The following ZNRF2 variants were observed in gnomAD, a reference collection of about 807,000 sequenced individuals.
The protein encoded by ZNRF2 is E3 ubiquitin-protein ligase ZNRF2.
A neutral mutation model predicts 20.4 loss-of-function variants in ZNRF2; 16 were observed. The observed-to-expected ratio is 0.79, with a 90% CI of 0.53 to 1.19. The LOEUF (loss-of-function observed/expected upper bound fraction) is 1.19, where lower values mean the gene tolerates loss of function less well. Ranked by LOEUF, ZNRF2 falls within the 50% of genes most tolerant of loss-of-function variation. ZNRF2 has a pLI of 0.00. For missense variants in ZNRF2, 363 were observed against 332.4 expected (o/e 1.09, Z -0.72); for synonymous variants, 178 against 144.9 (o/e 1.23, Z -1.64).
chr7:30,356,987 AT>A (rs1359038934), intron 3 of ZNRF2, among the ~76,000 whole-genome samples: 2 of 152,080 alleles, frequency 1.3e-5, no homozygotes, highest in African/African-American at 4.8e-5. Context: ...ATAACATTCT[AT>A]TTTTATGTAT....
intron 1 of ZNRF2, among the ~76,000 whole-genome samples, chr7:30,295,017 GAGAGA>G (rs1798988003): frequency 3.3e-5 from 2 of 61,222 alleles, no homozygotes; most frequent in African/African-American, 1.4e-4. Context: ...GAGGGAAGGA[GAGAGA>G]GAGAGAGAGA....
At chr7:30,346,608 AT>A (rs1346234219) in intron 2 of ZNRF2, among the ~76,000 whole-genome samples, 3 of 149,940 alleles carry the variant, frequency 2.0e-5, no homozygotes, top group African/African-American at 7.6e-5. Context: ...CATAATTTCT[AT>A]TTTTGAAAGC....
At chr7:30,335,663 T>TA (rs1170977972) in intron 2 of ZNRF2, among the ~76,000 whole-genome samples, 2 of 152,082 alleles carry the variant, frequency 1.3e-5, no homozygotes, top group African/African-American at 4.8e-5. Flanking sequence ...CGTTTAGAGA[T>TA]AACTAGGCAG....
chr7:30,356,704 T>A (rs1583597443), intron 3 of ZNRF2, among the ~76,000 whole-genome samples: 3 of 120,574 alleles, frequency 2.5e-5, no homozygotes, highest in Admixed American at 2.4e-4. Context: ...ATTGTATTTT[T>A]TTTTTTTTTT....
intron 2 of ZNRF2, among the ~76,000 whole-genome samples, chr7:30,324,854 G>A (rs571887676): frequency 2.2e-4 from 34 of 152,284 alleles, no homozygotes; most frequent in Admixed American, 1.4e-3. Flanking sequence ...ACATATATGA[G>A]GAGTAGGGAG....
rs540819339 is a variant in ZNRF2, at chr7:30,290,891, G to C, written c.469+5065G>C. ...CCCCTTTTAGGGGCTGGACATTATA[G>C]ATACTGAGGGTACAAATATGGAGCT... is the stretch of plus-strand genomic sequence containing the variant. On this transcript the variant is annotated intron_variant, in intron 1 of 4. Coordinates refer to ENST00000323037, the MANE Select transcript of ZNRF2 (RefSeq NM_147128.4). Among the ~76,000 whole-genome samples, 11 of 152,318 alleles carry C rather than the reference G, an allele frequency of 7.2e-5. No homozygotes were observed. In the East Asian group the frequency reaches 2.1e-3, roughly 29 times the overall value.
chr7:30,285,481 C>T lies in ZNRF2; in HGVS notation c.124C>T (p.Arg42Trp), dbSNP rs1050106525. 41 of 1,091,984 alleles carry T rather than the reference C, an allele frequency of 3.8e-5. No homozygotes were observed. The highest frequency in any genetic ancestry group is 1.3e-4 in the South Asian group (5 of 37,770). The allele number at this position is 1,091,984 out of a possible 1,614,324, so 67.6% of individuals were successfully genotyped here. A position where few individuals can be genotyped will look rare whatever the true frequency, so the allele number is the denominator to read the frequency against. ...NGTAGGGGGARAAAAGRFPAQ... is the reference protein window; with the variant it reads ...NGTAGGGGGAWAAAAGRFPAQ... Reference sequence around the variant, plus strand: ...GACCGCGGGCGGCGGCGGGGGCGCTCGGGCCGCCGCCGCGGGGAGGTTCCC... The same window carrying T: ...GACCGCGGGCGGCGGCGGGGGCGCTTGGGCCGCCGCCGCGGGGAGGTTCCC... Residue 42 changes from arginine to tryptophan, a missense_variant, in exon 1 of 5, where the codon CGG becomes TGG. Physicochemically the swap from Arg to Trp is moderately radical, Grantham distance 101. Coordinates refer to ENST00000323037, the MANE Select transcript of ZNRF2 (RefSeq NM_147128.4).
In ZNRF2 at chr7:30,363,606, C is replaced by G. The variant is rs377207851; in HGVS notation, c.*22+1150C>G. On this transcript the variant is annotated intron_variant, in intron 4 of 4. Transcript: ENST00000323037. ...TATATCTTTAGCATGTAATACAGTG[C>G]CTGTCTATATAGTAGGCAAAAAATA... Among the ~76,000 whole-genome samples, 2 of 152,086 alleles carry G rather than the reference C, an allele frequency of 1.3e-5. 1 individual carries two copies. The highest frequency in any genetic ancestry group is 1.3e-4 in the Admixed American group (2 of 15,278).
intron 2 of ZNRF2, among the ~76,000 whole-genome samples, chr7:30,336,216 T>C (rs1386918962): frequency 6.6e-6 from 1 of 152,200 alleles, no homozygotes; most frequent in Non-Finnish European, 1.5e-5. Context: ...ACATATTACT[T>C]GTATAAAACT....
At chr7:30,355,979 T>C (rs1800030282) in intron 3 of ZNRF2, 146 bp downstream of exon 3, 1 of 570,362 alleles carries the variant, frequency 1.8e-6, no homozygotes, top group African/African-American at 1.9e-5. Flanking sequence ...TTTTTCTCTA[T>C]TTGAACTAAG....
chr7:30,351,509 C>G (rs1799961456), intron 2 of ZNRF2, among the ~76,000 whole-genome samples: 1 of 151,980 alleles, frequency 6.6e-6, no homozygotes, highest in African/African-American at 2.4e-5. Context: ...CTTGAGAGTA[C>G]TTCCTCTAAA....
In ZNRF2 at chr7:30,355,835, T is replaced by A. The variant is rs1480630150; in HGVS notation, c.671+2T>A. On this transcript the variant is annotated splice_donor_variant, in intron 3 of 4. Transcript: ENST00000323037. LOFTEE classifies it high-confidence loss of function. ...TTGTCTATGCATATATCATAAAGGG[T>A]AAGTTCACCAAGTTGGTATTAGAGT... 6.2e-7 allele frequency: 1 copy of A among 1,605,024 alleles called. No homozygotes were observed. Among genetic ancestry groups the A allele is most frequent in the South Asian group, 1.1e-5 (1 of 90,522 alleles).
chr7:30,294,970 AT>A lies in ZNRF2; in HGVS notation c.469+9147del, dbSNP rs545253662. 1.1e-4 allele frequency among the ~76,000 whole-genome samples: 16 copies of A among 149,856 alleles called. No individual in the cohort carries two copies. The South Asian group carries it at 3.3e-3, about 31-fold the overall frequency. ...AGGACCCAATGCCCCTGGAGCTGAA[AT>A]TTAGAGAGAGAGGGAGGGGGACAGA... On this transcript the variant is annotated intron_variant, in intron 1 of 4. Coordinates refer to ENST00000323037, the MANE Select transcript of ZNRF2 (RefSeq NM_147128.4).
rs1798731886 is a variant in ZNRF2, at chr7:30,284,600, C to G, written c.-758C>G. On this transcript the variant is annotated 5_prime_UTR_variant, in exon 1 of 5. Transcript: ENST00000323037. ...GCGGGGTCAACGCGCGCGACCCAAA[C>G]ACACGGGCCGGGCGCACCCTGCAGC... 1 of 152,864 alleles carries G rather than the reference C, an allele frequency of 6.5e-6. No individual in the cohort carries two copies. Among genetic ancestry groups the G allele is most frequent in the African/African-American group, 2.4e-5 (1 of 41,420 alleles). 9.5% of individuals were successfully genotyped at this position (152,864 alleles called of 1,614,324 possible). A position where few individuals can be genotyped will look rare whatever the true frequency, so the allele number is the denominator to read the frequency against.
chr7:30,331,573 A>G (rs1799635817), intron 2 of ZNRF2, among the ~76,000 whole-genome samples: 1 of 152,186 alleles, frequency 6.6e-6, no homozygotes, highest in Non-Finnish European at 1.5e-5. Context: ...GGAGCCTGGA[A>G]TGAGAGCATA....
At chr7:30,349,032 T>C (rs1272845520) in intron 2 of ZNRF2, among the ~76,000 whole-genome samples, 1 of 152,208 alleles carries the variant, frequency 6.6e-6, no homozygotes, top group Admixed American at 6.5e-5. Flanking sequence ...TAACATTTGA[T>C]ATTTATTGTT....
At chr7:30,312,633 T>TATTGTG (rs1799309299) in intron 1 of ZNRF2, among the ~76,000 whole-genome samples, 1 of 152,182 alleles carries the variant, frequency 6.6e-6, no homozygotes, top group Non-Finnish European at 1.5e-5. Context: ...AGTAAACAGA[T>TATTGTG]ATTGTGATGT....
chr7:30,365,688 A>G (rs1050105672), intron 4 of ZNRF2, among the ~76,000 whole-genome samples: 14 of 152,224 alleles, frequency 9.2e-5, no homozygotes, highest in African/African-American at 3.4e-4. Flanking sequence ...CGTTTCTGAT[A>G]TCCTTCAGCA....
At chr7:30,324,180 A>C (rs1018396341) in intron 2 of ZNRF2, among the ~76,000 whole-genome samples, 1 of 152,062 alleles carries the variant, frequency 6.6e-6, no homozygotes, top group African/African-American at 2.4e-5. Context: ...TTATTGTGAT[A>C]TGGCACGTCT....
Sources: gnomAD v4.1 joint callset for allele counts (sites outside exome capture counted in the v4.1 genomes callset) on GRCh38, gnomAD v4.1.1 for gene constraint, MANE v1.5 for transcripts, NCBI Gene and HGNC (gene_info 2026-07-23, HGNC 2026-07-21) for gene names.